Variants in RGS12 observed in about 807,000 individuals in gnomAD.
RGS12 encodes regulator of G protein signaling 12, also known as regulator of G-protein signaling 12.
RGS12 carries 66 observed loss-of-function variants against 120.1 expected under a neutral mutation model. The ratio of observed to expected loss-of-function variants is 0.55; its 90% CI spans 0.45 to 0.67. The LOEUF is 0.67. Among genes scored for constraint, RGS12 ranks in the 30% least tolerant of loss-of-function variants. The pLI is 0.00. For missense variants in RGS12, 1,859 were observed against 1,957.7 expected, an observed-to-expected ratio of 0.95 and a Z score of 0.95; for synonymous variants, 827 against 804.7, an observed-to-expected ratio of 1.03 and a Z score of -0.47.
intron 2 of RGS12, among the ~76,000 whole-genome samples, chr4:3,329,833 G>A (rs1231087614): frequency 2.1e-5 from 3 of 141,576 alleles, no homozygotes; most frequent in East Asian, 1.9e-4. Flanking sequence ...AGTCTATTAC[G>A]TTTAGTTGAG....
rs1326176640 is a variant in RGS12, at chr4:3,295,811, C to T, written c.-102+2712C>T. Among the ~76,000 whole-genome samples the T allele has an allele frequency of 2.6e-5, 4 of 152,294 alleles. No individual in the cohort carries two copies. In the East Asian group the frequency reaches 7.7e-4, roughly 29 times the overall value. ...GCACACAAAATCCTAAAGCCCAGACCATTTTACATTTTATTTGAATTTGGT... is the reference window on the plus strand; with the variant it reads ...GCACACAAAATCCTAAAGCCCAGACTATTTTACATTTTATTTGAATTTGGT... On this transcript the variant is annotated intron_variant, in intron 1 of 17. Transcript: ENST00000336727.
chr4:3,396,914 G>GT (rs533448613), intron 4 of RGS12, among the ~76,000 whole-genome samples: 176 of 145,930 alleles, frequency 1.2e-3, no homozygotes, highest in South Asian at 1.1e-3. Context: ...GACAATTGGG[G>GT]TTTTTTTTTT....
chr4:3,422,193 C>A (rs1723088785), intron 10 of RGS12, among the ~76,000 whole-genome samples, 183 bp from the exon 11 acceptor site: 1 of 152,240 alleles, frequency 6.6e-6, no homozygotes, highest in South Asian at 2.1e-4. Context: ...TCACAAAACC[C>A]AGCACCTCAG....
intron 3 of RGS12, among the ~76,000 whole-genome samples, chr4:3,371,912 G>A (rs1717043900): frequency 2.0e-5 from 3 of 152,154 alleles, no homozygotes. Context: ...GCCTTTCTAG[G>A]AGCTGTTGCC....
chr4:3,401,264 C>G (rs1477685210), intron 4 of RGS12, among the ~76,000 whole-genome samples: 1 of 151,902 alleles, frequency 6.6e-6, no homozygotes, highest in Non-Finnish European at 1.5e-5. Context: ...GGTGATAAGC[C>G]CAATAGGGAT....
intron 4 of RGS12, among the ~76,000 whole-genome samples, chr4:3,401,306 GA>G (rs1398739916): frequency 6.6e-6 from 1 of 152,320 alleles, no homozygotes; most frequent in South Asian, 2.1e-4. Context: ...TTTCAAGGAA[GA>G]AAATATTTTA....
intron 2 of RGS12, among the ~76,000 whole-genome samples, chr4:3,331,097 A>G (rs1054168070): frequency 7.2e-5 from 11 of 152,356 alleles, no homozygotes; most frequent in Middle Eastern, 3.4e-3. Flanking sequence ...AAGCGGATCA[A>G]TACATTACTG....
chr4:3,307,125 C>G (rs558627639), intron 1 of RGS12, among the ~76,000 whole-genome samples: 208 of 152,370 alleles, frequency 1.4e-3, no homozygotes, highest in African/African-American at 4.4e-3. Context: ...TGCCTCCCCC[C>G]ACAAGCTTAG....
At chr4:3,294,560 C>T (rs1723257246) in intron 1 of RGS12, among the ~76,000 whole-genome samples, 1 of 152,330 alleles carries the variant, frequency 6.6e-6, no homozygotes, top group Admixed American at 6.5e-5. Flanking sequence ...GGTGCCCGGG[C>T]CCTGCGTGGT....
intron 13 of RGS12, 30 bp downstream of exon 13, chr4:3,423,671 C>T (rs1212215424): frequency 1.3e-6 from 2 of 1,587,368 alleles, no homozygotes. Flanking sequence ...CGGGCGTCGT[C>T]ACCGCAGGCA....
At chr4:3,406,550 C>G (rs1410759181) in intron 4 of RGS12, among the ~76,000 whole-genome samples, 1 of 152,198 alleles carries the variant, frequency 6.6e-6, no homozygotes, top group Non-Finnish European at 1.5e-5. Flanking sequence ...ATGGCCATGC[C>G]CATTCCTGCA....
Position 3,430,388 on chromosome 4 carries a change from C to G in RGS12, c.3566-19C>G. The G allele has an allele frequency of 3.1e-6, 5 of 1,598,352 alleles. No homozygotes were observed. The South Asian group carries it at 3.3e-5, about 11-fold the overall frequency. ...TGAAACTCTCTAAAACACGGTCACTCTGGGTTTTCTTCCAATAGAGTTTTT... is the reference window on the plus strand; with the variant it reads ...TGAAACTCTCTAAAACACGGTCACTGTGGGTTTTCTTCCAATAGAGTTTTT... On this transcript the variant is annotated intron_variant, in intron 16 of 17. Coordinates refer to ENST00000336727, the MANE Select transcript of RGS12 (RefSeq NM_001394154.1).
intron 2 of RGS12, among the ~76,000 whole-genome samples, chr4:3,337,857 T>G (rs371997489): frequency 1.4e-4 from 21 of 152,314 alleles, no homozygotes; most frequent in Middle Eastern, 3.4e-3. Flanking sequence ...AAAATCAGAT[T>G]GAATAAATAT....
intron 3 of RGS12, among the ~76,000 whole-genome samples, chr4:3,356,349 C>G (rs1014091797): frequency 6.6e-6 from 1 of 152,050 alleles, no homozygotes; most frequent in African/African-American, 2.4e-5. Flanking sequence ...GCCACCATGC[C>G]TGGCCTTTCA....
chr4:3,410,382 A>G (rs1458130562), intron 4 of RGS12, among the ~76,000 whole-genome samples: 1 of 152,216 alleles, frequency 6.6e-6, no homozygotes, highest in East Asian at 1.9e-4. Flanking sequence ...TATTTTTTAA[A>G]TAGGTAGTAT....
chr4:3,394,131 G>A (rs1719813219), intron 4 of RGS12, among the ~76,000 whole-genome samples: 1 of 152,050 alleles, frequency 6.6e-6, no homozygotes, highest in African/African-American at 2.4e-5. Flanking sequence ...CCCTTCCACG[G>A]CATTTCATCC....
chr4:3,410,023 T>C (rs1308305279), intron 4 of RGS12, among the ~76,000 whole-genome samples: 1 of 152,230 alleles, frequency 6.6e-6, no homozygotes, highest in Middle Eastern at 3.2e-3. Flanking sequence ...AGTTCTCCCT[T>C]GCTCCCTGGA....
At chr4:3,423,054 C>G in intron 12 of RGS12, 76 bp downstream of exon 12, 1 of 1,225,170 alleles carries the variant, frequency 8.2e-7, no homozygotes, top group Non-Finnish European at 1.2e-6. Context: ...CTGGTCTCTG[C>G]GCTTAGCGGG....
intron 17 of RGS12, chr4:3,432,028 G>T (rs973286646): frequency 2.5e-5 from 25 of 985,380 alleles, no homozygotes; most frequent in Non-Finnish European, 3.0e-5. Context: ...GAAAGCCTGA[G>T]GTGCCTGGCA....
Sources: allele counts gnomAD v4.1 joint callset (sites outside exome capture counted in the v4.1 genomes callset), GRCh38; gene constraint gnomAD v4.1.1; transcripts MANE v1.5; gene names NCBI Gene and HGNC (gene_info 2026-07-23, HGNC 2026-07-21).